The following KCNG4 variants were observed in gnomAD, a reference collection of about 807,000 sequenced individuals.
KCNG4 encodes voltage-gated potassium channel regulatory subunit KCNG4.
Under a neutral mutation model 28.2 loss-of-function variants are expected in KCNG4, and 30 were observed. The ratio of observed to expected loss-of-function variants is 1.06; its 90% CI spans 0.80 to 1.44. The LOEUF (loss-of-function observed/expected upper bound fraction) is 1.44. KCNG4 is among the 40% of genes most tolerant of loss of function. The pLI is 0.00. For missense variants in KCNG4, 879 were observed against 712.3 expected (o/e 1.23, Z -2.66); for synonymous variants, 375 against 315.5 (o/e 1.19, Z -2.00).
chr16:84,237,297 G>A lies in KCNG4; in HGVS notation c.189C>T (p.Ile63=). ...GGAGATACCTCCTGCCCCCCACGTT[G>A]ATCAGGATCTCCTTCTTCAGGTCCA... ...SPVDLKKEIL[I]NVGGRRYLLP... Residue 63 remains isoleucine (I), a synonymous_variant, in exon 2 of 3, where the codon ATC becomes ATT. Transcript: ENST00000308251. 2 of 1,601,148 alleles carry A rather than the reference G, an allele frequency of 1.2e-6. No individual in the cohort carries two copies. The highest frequency in any genetic ancestry group is 1.7e-6 in the Non-Finnish European group (2 of 1,172,504).
rs1904948810 is a variant in KCNG4 at position 84,236,392 on chromosome 16, TG to T, written c.756+337del. 3 of 421,306 alleles carry T rather than the reference TG, an allele frequency of 7.1e-6. No individual in the cohort carries two copies. The South Asian group carries it at 1.6e-4, about 23-fold the overall frequency. The allele number at this position is 421,306 out of a possible 1,614,324, so 26.1% of individuals were successfully genotyped here. ...GTGGGAGACAGGCTCAGAGAGGAGG[TG>T]GCGTGATTTGCCTGTAGTCACAGAC... is the stretch of plus-strand genomic sequence containing the variant. On this transcript the variant is annotated intron_variant, in intron 2 of 2. Coordinates refer to ENST00000308251, the MANE Select transcript of KCNG4 (RefSeq NM_172347.3).
At chr16:84,238,881 C>CAA (rs148427908) in intron 1 of KCNG4, among the ~76,000 whole-genome samples, 9 of 149,996 alleles carry the variant, frequency 6.0e-5, no homozygotes, top group African/African-American at 2.0e-4. Context: ...AAGAAAAAAA[C>CAA]AAAAAAAAAT....
At position 84,220,948 on chromosome 16, in the gene KCNG4, C is replaced by G. The variant is rs1032065658; in HGVS notation, c.*1269G>C. 3.3e-5 allele frequency: 5 copies of G among 152,530 alleles called. No homozygotes were observed. The highest frequency in any genetic ancestry group is 1.2e-4 in the African/African-American group (5 of 41,472). 9.4% of individuals were successfully genotyped at this position (152,530 alleles called of 1,614,324 possible). On this transcript the variant is annotated 3_prime_UTR_variant, in exon 3 of 3. Coordinates refer to ENST00000308251, the MANE Select transcript of KCNG4 (RefSeq NM_172347.3). ...CCCACGCCTTCTCAACCCAACCCAG[C>G]TGTTCAGCTTCATCTCCTAAAATAC...
At chr16:84,236,044 G>C (rs1424616683) in intron 2 of KCNG4, 2 of 152,372 alleles carry the variant, frequency 1.3e-5, no homozygotes, top group African/African-American at 4.8e-5. Context: ...TCCTGGGGCA[G>C]AGTGACTTAC....
intron 2 of KCNG4, 38 bp downstream of exon 2, chr16:84,236,692 G>A (rs1456702151): frequency 6.4e-7 from 1 of 1,573,106 alleles, no homozygotes; most frequent in East Asian, 2.3e-5. Flanking sequence ...CAGGCACCCT[G>A]CGGGATGGAG....
Position 84,236,956 on chromosome 16 carries a change from T to TCC in KCNG4, c.529_530insGG (p.Lys177ArgfsTer9). 6.2e-7 allele frequency: 1 copy of TCC among 1,613,602 alleles called. No individual in the cohort carries two copies. The highest frequency in any genetic ancestry group is 2.2e-5 in the East Asian group (1 of 44,872). On this transcript the variant is annotated frameshift_variant, in exon 2 of 3. Coordinates refer to ENST00000308251, the MANE Select transcript of KCNG4 (RefSeq NM_172347.3). LOFTEE classifies it high-confidence loss of function. ...CCTCAGTACGTCCTCCCTGTGCAGC[T>TCC]TGGCCAGCTCCTCCAGCTCCTCCAG...
chr16:84,228,190 G>C (rs1252993945), intron 2 of KCNG4, among the ~76,000 whole-genome samples: 1 of 152,222 alleles, frequency 6.6e-6, no homozygotes, highest in Non-Finnish European at 1.5e-5. Context: ...AGTTCTGGAA[G>C]CTCCATCTGG....
At chr16:84,228,704 C>T (rs953114207) in intron 2 of KCNG4, among the ~76,000 whole-genome samples, 30 of 152,204 alleles carry the variant, frequency 2.0e-4, no homozygotes, top group Admixed American at 9.8e-4. Context: ...GGGGTCAGCC[C>T]CACCATGGGA....
rs1567627766 is a variant in KCNG4 at position 84,237,146 on chromosome 16, C to T, written c.340G>A (p.Asp114Asn). ...ACCCCGAAGGCGCTGGGGCTCCTGT[C>T]GAAGAAGAACTCCTGGCTGTCCTCG... ...YDEDSQEFFF[D>N]RSPSAFGVIV... Residue 114 changes from aspartate to asparagine, a missense_variant, in exon 2 of 3, where the codon GAC becomes AAC. By Grantham distance (23) the Asp-to-Asn change is conservative. Coordinates refer to ENST00000308251, the MANE Select transcript of KCNG4 (RefSeq NM_172347.3). 1.1e-5 allele frequency: 18 copies of T among 1,614,154 alleles called. No individual in the cohort carries two copies. Among genetic ancestry groups the T allele is most frequent in the Non-Finnish European group, 1.3e-5 (15 of 1,180,038 alleles).
chr16:84,237,047 G>A lies in KCNG4; in HGVS notation c.439C>T (p.Leu147=), dbSNP rs755795691. Residue 147 remains leucine (L), a synonymous_variant, in exon 2 of 3, where the codon CTG becomes TTG. Coordinates refer to ENST00000308251, the MANE Select transcript of KCNG4 (RefSeq NM_172347.3). The stretch of plus-strand genomic sequence containing the variant: ...GCCTCCTCGATGCCCCAGTAGGCCA[G>A]CTCCTCCTGGAAGGACAGCGCGCAC... ...EMCALSFQEE[L]AYWGIEEAHL... 6.2e-7 allele frequency: 1 copy of A among 1,614,080 alleles called. No individual in the cohort carries two copies.
rs140124801 is a variant in KCNG4 at position 84,222,522 on chromosome 16, C to T, written c.1255G>A (p.Val419Met). ...CGGGGCACCATGTCCCCGTAGCCCA[C>T]CGTTGTCATGGAGATGATGGCCCAC... ...YWWAIISMTT[V>M]GYGDMVPRSV... The change falls in exon 3 of 3, where the codon GTG becomes ATG. Residue 419 changes from valine to methionine, a missense_variant. Val to Met is a conservative substitution (Grantham distance 21). Transcript: ENST00000308251. 10,838 of 1,613,502 alleles carry T rather than the reference C, an allele frequency of 6.7e-3. 69 individuals are homozygous for T. Among genetic ancestry groups the T allele is most frequent in the Middle Eastern group, 0.013 (77 of 6,062 alleles).
rs1475145098 is a variant in KCNG4, at chr16:84,226,304, C to G, written c.757-3284G>C. Among the ~76,000 whole-genome samples the G allele has an allele frequency of 6.6e-6, 1 of 152,136 alleles. No homozygotes were observed. Among genetic ancestry groups the G allele is most frequent in the Non-Finnish European group, 1.5e-5 (1 of 68,022 alleles). ...TTGTGGGAAGCTCGAGAACAGGCAGCCTCATCTAGGGTGCACAAAGTGATC... is the reference window on the plus strand; with the variant it reads ...TTGTGGGAAGCTCGAGAACAGGCAGGCTCATCTAGGGTGCACAAAGTGATC... On this transcript the variant is annotated intron_variant, in intron 2 of 2. Transcript: ENST00000308251. The surrounding 1 kb of genome is among the most constrained non-coding windows in gnomAD (Gnocchi z 4.1).
At position 84,234,755 on chromosome 16, in the gene KCNG4, T is replaced by C. The variant is rs1037469152; in HGVS notation, c.756+1975A>G. On this transcript the variant is annotated intron_variant, in intron 2 of 2. Transcript: ENST00000308251. The stretch of plus-strand genomic sequence containing the variant: ...GGCACTGCCTGTCCCCAGAAGCAGC[T>C]GGTCCCTCTCAGATTGACATTCCCT... 5.9e-5 allele frequency among the ~76,000 whole-genome samples: 9 copies of C among 152,186 alleles called. No individual in the cohort carries two copies. The East Asian group carries it at 1.7e-3, about 29-fold the overall frequency.
At chr16:84,233,843 G>A (rs1597620432) in intron 2 of KCNG4, among the ~76,000 whole-genome samples, 1 of 152,164 alleles carries the variant, frequency 6.6e-6, no homozygotes, top group East Asian at 1.9e-4. Context: ...GTCATAGGGG[G>A]TCGGATTTTA....
intron 2 of KCNG4, among the ~76,000 whole-genome samples, chr16:84,230,342 T>A (rs745935941): frequency 2.8e-5 from 4 of 144,170 alleles, no homozygotes; most frequent in Admixed American, 7.2e-5. Context: ...GAGGCAGACG[T>A]TGCAGTAAGT....
intron 2 of KCNG4, among the ~76,000 whole-genome samples, chr16:84,227,525 C>A (rs1267449909): frequency 6.6e-6 from 1 of 152,094 alleles, no homozygotes; most frequent in Non-Finnish European, 1.5e-5. Context: ...TGCAGGGAGC[C>A]AAGCTTGTGC....
intron 2 of KCNG4, among the ~76,000 whole-genome samples, chr16:84,234,555 A>G (rs182392761): frequency 6.6e-6 from 1 of 152,244 alleles, no homozygotes. Context: ...TTGCTATGAG[A>G]AGGTAGAAAA....
At position 84,222,475 on chromosome 16, in the gene KCNG4, C is replaced by T. The variant is rs754921119; in HGVS notation, c.1302G>A (p.Val434=). The T allele has an allele frequency of 2.5e-6, 4 of 1,613,886 alleles. No individual in the cohort carries two copies. Among genetic ancestry groups the T allele is most frequent in the Non-Finnish European group, 3.4e-6 (4 of 1,179,948 alleles). ...MVPRSVPGQM[V]ALSSILSGIL... ...TCCCGCTCAGGATGCTGCTGAGGGC[C>T]ACCATCTGGCCTGGCACACTGCGGG... Residue 434 remains valine (V), a synonymous_variant, in exon 3 of 3, where the codon GTG becomes GTA. Coordinates refer to ENST00000308251, the MANE Select transcript of KCNG4 (RefSeq NM_172347.3).
rs553477427 is a variant in KCNG4, at chr16:84,221,261, C to G, written c.*956G>C. 1.3e-5 allele frequency: 2 copies of G among 152,328 alleles called. No individual in the cohort carries two copies. Among genetic ancestry groups the G allele is most frequent in the Non-Finnish European group, 2.9e-5 (2 of 68,068 alleles). 9.4% of individuals were successfully genotyped at this position (152,328 alleles called of 1,614,324 possible). The stretch of plus-strand genomic sequence containing the variant: ...CCTACAATTCCCCTTGTTTCTGTGC[C>G]AAAGCTACATTGAGTCCATGGGGGC... On this transcript the variant is annotated 3_prime_UTR_variant, in exon 3 of 3. Transcript: ENST00000308251.
Sources: allele counts gnomAD v4.1 joint callset (sites outside exome capture counted in the v4.1 genomes callset), GRCh38; gene constraint gnomAD v4.1.1; non-coding constraint Gnocchi (gnomAD v3.1); transcripts MANE v1.5; gene names NCBI Gene and HGNC (gene_info 2026-07-23, HGNC 2026-07-21).